The following VWA5B1 variants were observed in gnomAD, a reference collection of about 807,000 sequenced individuals.
The protein encoded by VWA5B1 is von Willebrand factor A domain containing 5B1, also known as von Willebrand factor A domain-containing protein 5B1.
Under a neutral mutation model 118.2 loss-of-function variants are expected in VWA5B1, and 115 were observed. The observed-to-expected ratio is 0.97, with a 90% CI of 0.84 to 1.14. VWA5B1 has a LOEUF of 1.14. Ranked by LOEUF, VWA5B1 falls within the 50% of genes most tolerant of loss-of-function variation. VWA5B1 has a pLI of 0.00. For missense variants in VWA5B1, 1,596 were observed against 1,603.8 expected, an observed-to-expected ratio of 1.00 and a Z score of 0.08; for synonymous variants, 682 against 658.4, an observed-to-expected ratio of 1.04 and a Z score of -0.55.
intron 7 of VWA5B1, among the ~76,000 whole-genome samples, chr1:20,322,175 G>A (rs1294287015): frequency 6.6e-6 from 1 of 152,208 alleles, no homozygotes; most frequent in Non-Finnish European, 1.5e-5. Flanking sequence ...TGCGTGGAGT[G>A]AGGAAAAGAG....
chr1:20,343,312 G>C lies in VWA5B1; in HGVS notation c.2545G>C (p.Glu849Gln). The change falls in exon 16 of 22, where the codon GAG becomes CAG. Residue 849 changes from glutamate to glutamine, a missense_variant. Coordinates refer to ENST00000289815, the MANE Select transcript of VWA5B1 (RefSeq NM_001039500.3). ...CGCGCAGGATGCCGACCTATGGAGC[G>C]AGACCTTCCACCACCTGGCGGCCCG... ...GGAQDADLWS[E>Q]TFHHLAARAI... is the part of the protein sequence containing the mutation. 1.3e-6 allele frequency: 2 copies of C among 1,546,050 alleles called. No homozygotes were observed. The highest frequency in any genetic ancestry group is 1.7e-6 in the Non-Finnish European group (2 of 1,146,234).
In VWA5B1 at chr1:20,317,560, C is replaced by T. The variant is rs371819528; in HGVS notation, c.594C>T (p.Ala198=). ...GKDRHCFGAW[A]PGSWNKLCLA... is the part of the protein sequence containing the mutation. ...ACAGGCACTGCTTCGGTGCCTGGGC[C>T]CCGGGCTCCTGGAATAAGTTGTGCC... Residue 198 remains alanine (A), a synonymous_variant, in exon 5 of 22, where the codon GCC becomes GCT. Transcript: ENST00000289815. The T allele has an allele frequency of 4.2e-4, 644 of 1,551,708 alleles. 3 individuals are homozygous for T. In the African/African-American group the frequency reaches 7.9e-3, roughly 19 times the overall value.
At chr1:20,349,139 A>G (rs556393960) in intron 18 of VWA5B1, 1 of 411,406 alleles carries the variant, frequency 2.4e-6, no homozygotes, top group South Asian at 1.7e-5. Flanking sequence ...TTTTAAAACA[A>G]AAACAGAAAC....
At chr1:20,294,968 A>G (rs1409775543) in intron 1 of VWA5B1, among the ~76,000 whole-genome samples, 2 of 152,214 alleles carry the variant, frequency 1.3e-5, no homozygotes, top group East Asian at 3.8e-4. Context: ...GCTATAGCAA[A>G]CAGCAGTGCC....
At chr1:20,350,766 C>T (rs2090112857) in intron 19 of VWA5B1, 91 bp from the exon 20 acceptor site, 1 of 1,243,674 alleles carries the variant, frequency 8.0e-7, no homozygotes. Flanking sequence ...AGCACCTGCC[C>T]CTCTCTAGGC....
Position 20,353,850 on chromosome 1 carries a change from C to A in VWA5B1, c.3235C>A (p.Pro1079Thr), listed in dbSNP as rs1341062777. 2 of 1,537,086 alleles carry A rather than the reference C, an allele frequency of 1.3e-6. No individual in the cohort carries two copies. The highest frequency in any genetic ancestry group is 8.8e-7 in the Non-Finnish European group (1 of 1,139,716). The part of the protein sequence containing the change: ...IPMEKLKWTS[P>T]FTCHRVSLTT... ...CATGGAGAAGCTCAAGTGGACGTCC[C>A]CCTTCACCTGCCATCGAGTGTCCCT... The change falls in exon 22 of 22, where the codon CCC becomes ACC. Residue 1079 changes from proline (P) to threonine (T), a missense_variant. Pro to Thr is a conservative substitution (Grantham distance 38). Transcript: ENST00000289815.
At chr1:20,325,085 G>A (rs2089337430) in intron 8 of VWA5B1, among the ~76,000 whole-genome samples, 1 of 152,164 alleles carries the variant, frequency 6.6e-6, no homozygotes, top group African/African-American at 2.4e-5. Flanking sequence ...CCACTTTCCA[G>A]GTAAAGAAAC....
intron 1 of VWA5B1, 113 bp downstream of exon 1, chr1:20,291,201 GA>G (rs1360454058): frequency 1.8e-5 from 2 of 108,838 alleles, no homozygotes; most frequent in Admixed American, 1.1e-4. Context: ...TGTGTGTGGT[GA>G]GTTTGTGTGT....
Position 20,354,267 on chromosome 1 carries a change from A to T in VWA5B1, c.*4A>T. 3.4e-6 allele frequency: 5 copies of T among 1,458,854 alleles called. No homozygotes were observed. The highest frequency in any genetic ancestry group is 1.4e-5 in the African/African-American group (1 of 70,518). The allele number at this position is 1,458,854 out of a possible 1,614,324, so 90.4% of individuals were successfully genotyped here. A position where few individuals can be genotyped will look rare whatever the true frequency, so the allele number is the denominator to read the frequency against. On this transcript the variant is annotated 3_prime_UTR_variant, in exon 22 of 22. Transcript: ENST00000289815. ...CTATAACCCGAATTATGTGTAGTTGAGTGACGGGGAGGCTGGGTGGAGGGA... is the reference window on the plus strand; with the variant it reads ...CTATAACCCGAATTATGTGTAGTTGTGTGACGGGGAGGCTGGGTGGAGGGA...
chr1:20,335,313 T>TAAAC (rs1030381448), intron 12 of VWA5B1, among the ~76,000 whole-genome samples: 1 of 152,170 alleles, frequency 6.6e-6, no homozygotes, highest in Non-Finnish European at 1.5e-5. Context: ...ACCCTATCTC[T>TAAAC]AAACAAACAA....
Position 20,355,442 on chromosome 1 carries a change from G to C in VWA5B1, c.*1179G>C, listed in dbSNP as rs1047793534. On this transcript the variant is annotated 3_prime_UTR_variant, in exon 22 of 22. Coordinates refer to ENST00000289815, the MANE Select transcript of VWA5B1 (RefSeq NM_001039500.3). ...GCTGCCCAGTCTCCTCTTCCCCACTGACTCCCCTGGAGGTGGGTCTAGACC... is the reference window on the plus strand; with the variant it reads ...GCTGCCCAGTCTCCTCTTCCCCACTCACTCCCCTGGAGGTGGGTCTAGACC... Among the ~76,000 whole-genome samples, 13 of 152,314 alleles carry C rather than the reference G, an allele frequency of 8.5e-5. No homozygotes were observed. Among genetic ancestry groups the C allele is most frequent in the African/African-American group, 3.1e-4 (13 of 41,576 alleles).
chr1:20,293,952 G>T (rs1030853578), intron 1 of VWA5B1, among the ~76,000 whole-genome samples: 1 of 152,180 alleles, frequency 6.6e-6, no homozygotes, highest in Admixed American at 6.5e-5. Context: ...TGCAGGCAGC[G>T]CTGGGAGGGG....
intron 12 of VWA5B1, 82 bp downstream of exon 12, chr1:20,333,033 G>A (rs1289115811): frequency 1.4e-6 from 2 of 1,472,706 alleles, no homozygotes; most frequent in African/African-American, 2.8e-5. Context: ...AAGACTATTT[G>A]TGACAGCTAG....
intron 1 of VWA5B1, among the ~76,000 whole-genome samples, chr1:20,292,350 A>C (rs2088327956): frequency 6.6e-6 from 1 of 151,980 alleles, no homozygotes; most frequent in Non-Finnish European, 1.5e-5. Context: ...TGCTCCTGGG[A>C]AGAGGTGGTG....
chr1:20,316,318 T>C (rs1557840408), intron 4 of VWA5B1, among the ~76,000 whole-genome samples: 1 of 152,160 alleles, frequency 6.6e-6, no homozygotes, highest in Admixed American at 6.5e-5. Flanking sequence ...GTGGCGTTAT[T>C]TGTGGATGCA....
chr1:20,291,635 A>C (rs762221539), intron 1 of VWA5B1, among the ~76,000 whole-genome samples: 1 of 151,922 alleles, frequency 6.6e-6, no homozygotes, highest in Non-Finnish European at 1.5e-5. Context: ...GCTCTGGGGC[A>C]GTCAGGAGCT....
At chr1:20,332,183 A>G (rs534974770) in intron 11 of VWA5B1, among the ~76,000 whole-genome samples, 1 of 152,290 alleles carries the variant, frequency 6.6e-6, no homozygotes, top group East Asian at 1.9e-4. Context: ...TCTCATTTAT[A>G]AAATGCTAAA....
intron 1 of VWA5B1, among the ~76,000 whole-genome samples, chr1:20,293,222 C>G (rs1424394633): frequency 1.3e-5 from 2 of 152,226 alleles, no homozygotes; most frequent in Non-Finnish European, 2.9e-5. Flanking sequence ...AGGGAAGAAG[C>G]ACTTTTGTGC....
intron 8 of VWA5B1, among the ~76,000 whole-genome samples, chr1:20,323,929 C>T (rs546455343): frequency 5.3e-5 from 8 of 152,298 alleles, no homozygotes; most frequent in Admixed American, 2.0e-4. Flanking sequence ...TAATCTTATG[C>T]GTTTGATCCT....
Sources: gnomAD v4.1 joint callset for allele counts (sites outside exome capture counted in the v4.1 genomes callset) on GRCh38, gnomAD v4.1.1 for gene constraint, MANE v1.5 for transcripts, NCBI Gene and HGNC (gene_info 2026-07-23, HGNC 2026-07-21) for gene names.